SMARCA1: variants seen among roughly 807,000 people sequenced by gnomAD.
SMARCA1 encodes SWI/SNF-related matrix-associated actin-dependent regulator of chromatin subfamily A member 1.
A neutral mutation model predicts 93.6 loss-of-function variants in SMARCA1; 17 were observed. That is an observed-to-expected ratio of 0.18 (90% CI 0.12 to 0.27). SMARCA1 has a LOEUF of 0.27. Ranked by LOEUF, SMARCA1 falls within the 10% of genes least tolerant of loss-of-function variation. The pLI is 1.00. For missense variants in SMARCA1, 630 were observed against 819.0 expected (o/e 0.77, Z 2.82); for synonymous variants, 271 against 271.4 (o/e 1.00, Z 0.01).
intron 23 of SMARCA1, among the ~76,000 whole-genome samples, chrX:129,464,970 C>T (rs1206553494): frequency 9.0e-6 from 1 of 111,152 alleles, no homozygotes; most frequent in East Asian, 2.8e-4. Context: ...GTCATGATCA[C>T]GAAAACCAAA....
Position 129,507,991 on chromosome X carries a change from G to T in SMARCA1, c.916C>A (p.Arg306=). ...EKSVFKKFHW[R]YLVIDEAHRI... ...TGAGCTTCATCAATGACCAGGTATC[G>T]CCAGTGAAACTTTTTGAATACAGAT... Residue 306 remains arginine (R), a synonymous_variant, in exon 7 of 25, where the codon CGA becomes AGA. Transcript: ENST00000371121. 8.5e-7 allele frequency: 1 copy of T among 1,181,830 alleles called. No homozygotes were observed. The highest frequency in any genetic ancestry group is 2.3e-5 in the Admixed American group (1 of 43,386).
At chrX:129,479,069 GGTT>G (rs1756513976) in intron 19 of SMARCA1, among the ~76,000 whole-genome samples, 1 of 111,559 alleles carries the variant, frequency 9.0e-6, no homozygotes, top group South Asian at 3.8e-4. Context: ...TACTTCATGA[GGTT>G]GTTAGGAATC....
chrX:129,450,769 C>T (rs1046313418), intron 23 of SMARCA1, among the ~76,000 whole-genome samples: 1 of 111,120 alleles, frequency 9.0e-6, no homozygotes, highest in African/African-American at 3.3e-5. Context: ...CTACTGATAA[C>T]TTTTATTTTT....
chrX:129,492,984 A>G (rs886109737), intron 13 of SMARCA1, 56 bp downstream of exon 13: 12 of 431,465 alleles, frequency 2.8e-5, no homozygotes, highest in Non-Finnish European at 4.6e-5. Context: ...AATTGGTACA[A>G]CCTTTCTGGA....
At chrX:129,454,790 T>TC (rs1317240789) in intron 23 of SMARCA1, among the ~76,000 whole-genome samples, 1 of 110,640 alleles carries the variant, frequency 9.0e-6, no homozygotes, top group Non-Finnish European at 1.9e-5. Context: ...ATGCTATCCC[T>TC]CCCCCCATGA....
At chrX:129,462,207 T>C (rs754259246) in intron 23 of SMARCA1, among the ~76,000 whole-genome samples, 3 of 112,329 alleles carry the variant, frequency 2.7e-5, no homozygotes, top group African/African-American at 9.7e-5. Context: ...CTAAGTTCAA[T>C]CATTAGTAAG....
chrX:129,509,082 G>A (rs759843546), intron 6 of SMARCA1, among the ~76,000 whole-genome samples: 7 of 109,929 alleles, frequency 6.4e-5, no homozygotes, highest in East Asian at 2.8e-4. Flanking sequence ...AGCTACTTGG[G>A]AGGCTGAGGC....
At chrX:129,496,614 A>G in intron 12 of SMARCA1, 136 bp downstream of exon 12, 3 of 487,404 alleles carry the variant, frequency 6.2e-6, no homozygotes, top group Non-Finnish European at 1.0e-5. Context: ...AAGATTGAAG[A>G]GAGAAAGAGA....
chrX:129,456,589 T>C (rs1025592605), intron 23 of SMARCA1, among the ~76,000 whole-genome samples: 1 of 112,446 alleles, frequency 8.9e-6, no homozygotes, highest in Non-Finnish European at 1.9e-5. Flanking sequence ...TCGTGATTTA[T>C]GGAAGGAAGT....
chrX:129,510,089 C>T (rs955341766), intron 6 of SMARCA1, among the ~76,000 whole-genome samples: 1 of 112,085 alleles, frequency 8.9e-6, no homozygotes, highest in Non-Finnish European at 1.9e-5. Context: ...ACATGGTACA[C>T]TTATTATTTA....
rs1387109892 is a variant in SMARCA1, at chrX:129,446,705, A to G, written c.*457T>C. 1.7e-5 allele frequency: 2 copies of G among 115,264 alleles called. No individual in the cohort carries two copies. The highest frequency in any genetic ancestry group is 6.5e-5 in the African/African-American group (2 of 30,936). The allele number at this position is 115,264 out of a possible 1,213,427, so 9.5% of individuals were successfully genotyped here. ...TATGCTAATCACAGTATGCAGTAAC[A>G]CAAACAAGCCCAGACTCAATAGAAA... On this transcript the variant is annotated 3_prime_UTR_variant, in exon 25 of 25. Coordinates refer to ENST00000371121, the MANE Select transcript of SMARCA1 (RefSeq NM_001282874.2).
intron 17 of SMARCA1, among the ~76,000 whole-genome samples, chrX:129,482,701 T>C (rs1406825072): frequency 8.9e-6 from 1 of 112,180 alleles, no homozygotes; most frequent in Non-Finnish European, 1.9e-5. Context: ...GCATTACCAA[T>C]TTTACCCTAT....
rs755150670 is a variant in SMARCA1, at chrX:129,515,569, A to C, written c.630+118T>G. The C allele has an allele frequency of 7.0e-5, 36 of 513,719 alleles. 1 individual carries two copies. In the East Asian group the frequency reaches 1.2e-3, roughly 17 times the overall value. 42.3% of individuals were successfully genotyped at this position (513,719 alleles called of 1,213,427 possible). ...TCTAAGACTACAAAATACCTTTTAC[A>C]TGATAACAACTTTTAAAAAGCCTCC... On this transcript the variant is annotated intron_variant, in intron 5 of 24. Transcript: ENST00000371121.
chrX:129,504,549 T>TTAAA (rs1934705882), intron 9 of SMARCA1, among the ~76,000 whole-genome samples, 185 bp downstream of exon 9: 2 of 24,214 alleles, frequency 8.3e-5, no homozygotes, highest in East Asian at 1.8e-3. Flanking sequence ...CATAGAGGAA[T>TTAAA]AAAAAAAAAA....
intron 23 of SMARCA1, among the ~76,000 whole-genome samples, chrX:129,463,210 T>C (rs1335598191): frequency 2.7e-5 from 3 of 111,853 alleles, no homozygotes; most frequent in African/African-American, 6.5e-5. Context: ...CAGGTAGGCA[T>C]TTGTCTTCTA....
chrX:129,488,573 A>C (rs1409088354), intron 16 of SMARCA1, among the ~76,000 whole-genome samples: 1 of 99,501 alleles, frequency 1.0e-5, no homozygotes, highest in African/African-American at 3.8e-5. Context: ...GCACCACTGC[A>C]CTCCAGCCTG....
intron 1 of SMARCA1, among the ~76,000 whole-genome samples, chrX:129,522,898 G>C (rs1041811715): frequency 5.4e-5 from 6 of 111,191 alleles, no homozygotes; most frequent in African/African-American, 2.0e-4. Context: ...CCGGGAAGGT[G>C]GAGGGGGTCG....
intron 24 of SMARCA1, 126 bp downstream of exon 24, chrX:129,448,207 A>T: frequency 1.5e-6 from 1 of 652,267 alleles, no homozygotes; most frequent in East Asian, 3.3e-5. Flanking sequence ...TCCAAAACAA[A>T]TTAGCATTTC....
chrX:129,509,069 C>A (rs1934928552), intron 6 of SMARCA1, among the ~76,000 whole-genome samples: 1 of 110,079 alleles, frequency 9.1e-6, no homozygotes, highest in South Asian at 3.9e-4. Context: ...CACCTGTAAT[C>A]CCAGCTACTT....
Sources: allele counts gnomAD v4.1 joint callset (sites outside exome capture counted in the v4.1 genomes callset), GRCh38; gene constraint gnomAD v4.1.1; transcripts MANE v1.5; gene names NCBI Gene and HGNC (gene_info 2026-07-23, HGNC 2026-07-21).